ARHGEF3: variants seen among roughly 807,000 people sequenced by gnomAD.
ARHGEF3 encodes Rho guanine nucleotide exchange factor 3.
Under a neutral mutation model 63.2 loss-of-function variants are expected in ARHGEF3, and 28 were observed. The ratio of observed to expected loss-of-function variants is 0.44; its 90% CI spans 0.33 to 0.61. ARHGEF3 has a LOEUF of 0.61. Among genes scored for constraint, ARHGEF3 ranks in the 20% least tolerant of loss-of-function variants. ARHGEF3 has a pLI of 0.03. For synonymous variants in ARHGEF3, 266 were observed against 254.2 expected, an observed-to-expected ratio of 1.05 and a Z score of -0.44; for missense variants, 533 against 659.3, an observed-to-expected ratio of 0.81 and a Z score of 2.10.
upstream of ARHGEF3, among the ~76,000 whole-genome samples, chr3:56,806,341 A>C (rs948883483): frequency 6.0e-4 from 92 of 152,228 alleles, 1 homozygote; most frequent in Non-Finnish European, 2.9e-5. Flanking sequence ...AATGCCGCCA[A>C]GCTAAGTGGC....
chr3:56,766,543 G>A (rs1259776809), intron 2 of ARHGEF3, among the ~76,000 whole-genome samples: 1 of 152,190 alleles, frequency 6.6e-6, no homozygotes, highest in Non-Finnish European at 1.5e-5. Context: ...GATAATAATA[G>A]CAAGTACTAA....
intron 4 of ARHGEF3, among the ~76,000 whole-genome samples, chr3:56,857,673 C>T (rs1464460661): frequency 6.6e-6 from 1 of 152,182 alleles, no homozygotes; most frequent in Non-Finnish European, 1.5e-5. Flanking sequence ...GGCTATAACA[C>T]CAAAGAAGCG....
Position 57,014,085 on chromosome 3 carries a change from C to T in ARHGEF3, c.62+21003G>A, listed in dbSNP as rs1037998782. Among the ~76,000 whole-genome samples the T allele has an allele frequency of 3.3e-5, 5 of 152,282 alleles. 1 individual carries two copies. The South Asian group carries it at 1.0e-3, about 32-fold the overall frequency. On this transcript the variant is annotated intron_variant, in intron 2 of 12. Transcript: ENST00000338458. ...CTCTTAAAGCCAGCGAGACCACGAA[C>T]CCGCCAGGAGGAACGAACAACTCCA...
At chr3:56,759,612 ACC>A (rs1325179578) in intron 2 of ARHGEF3, among the ~76,000 whole-genome samples, 1 of 152,074 alleles carries the variant, frequency 6.6e-6, no homozygotes, top group Non-Finnish European at 1.5e-5. Context: ...TCTCACTGTA[ACC>A]TCAAACTCAT....
chr3:56,854,213 AC>A (rs2039787817), intron 4 of ARHGEF3, among the ~76,000 whole-genome samples: 1 of 152,078 alleles, frequency 6.6e-6, no homozygotes, highest in South Asian at 2.1e-4. Context: ...AAACAAAAAA[AC>A]AATTAGGCAC....
intron 3 of ARHGEF3, chr3:56,916,320 C>G: frequency 1.3e-6 from 2 of 1,535,524 alleles, no homozygotes; most frequent in Non-Finnish European, 1.7e-6. Flanking sequence ...TGCGAACGGA[C>G]AAAGAGGCAG....
chr3:57,000,978 T>C (rs778405106), intron 2 of ARHGEF3, among the ~76,000 whole-genome samples: 1 of 152,102 alleles, frequency 6.6e-6, no homozygotes, highest in Non-Finnish European at 1.5e-5. Context: ...CTTGCTTTGT[T>C]GCCCAGGCTA....
At chr3:56,810,890 T>C (rs1300646776) in intron 4 of ARHGEF3, among the ~76,000 whole-genome samples, 1 of 152,148 alleles carries the variant, frequency 6.6e-6, no homozygotes, top group East Asian at 1.9e-4. Flanking sequence ...ATACATAGTG[T>C]TATGAATCAG....
intron 3 of ARHGEF3, among the ~76,000 whole-genome samples, chr3:56,957,330 G>A (rs1700087304): frequency 6.6e-6 from 1 of 152,208 alleles, no homozygotes; most frequent in Non-Finnish European, 1.5e-5. Flanking sequence ...ATTTTAAAGT[G>A]TGAATAGAAC....
rs571640031 is a variant in ARHGEF3 at position 57,004,258 on chromosome 3, G to A, written c.62+30830C>T. ...AAACCCAGGGAGATAATGACAGTCT[G>A]GAGCCACTTATTTGCAGATGTTTCA... On this transcript the variant is annotated intron_variant, in intron 2 of 12. Coordinates refer to the ARHGEF3 transcript ENST00000338458. 2.0e-5 allele frequency among the ~76,000 whole-genome samples: 3 copies of A among 152,324 alleles called. No individual in the cohort carries two copies. In the South Asian group the frequency reaches 6.2e-4, roughly 32 times the overall value.
intron 3 of ARHGEF3, among the ~76,000 whole-genome samples, chr3:56,927,924 T>C (rs1303782289): frequency 6.6e-6 from 1 of 152,242 alleles, no homozygotes; most frequent in Non-Finnish European, 1.5e-5. Context: ...AAAATGATTA[T>C]GATGTCTATT....
intron 2 of ARHGEF3, among the ~76,000 whole-genome samples, chr3:56,763,644 A>T (rs1210076109): frequency 1.3e-5 from 2 of 152,210 alleles, no homozygotes; most frequent in African/African-American, 2.4e-5. Context: ...TTGAAATACA[A>T]CAAAATGTTA....
intron 3 of ARHGEF3, among the ~76,000 whole-genome samples, chr3:56,933,555 G>A (rs1283879030): frequency 6.6e-6 from 1 of 151,934 alleles, no homozygotes; most frequent in African/African-American, 2.4e-5. Context: ...GAGTAGCTGG[G>A]ACCACAGGCG....
chr3:56,994,071 A>AAAAAAAAAAC, intron 2 of ARHGEF3, among the ~76,000 whole-genome samples: 1 of 97,036 alleles, frequency 1.0e-5, no homozygotes, highest in African/African-American at 3.3e-5. Context: ...TCTCAAAAAA[A>AAAAAAAAAAC]AAAAAAAAAA....
chr3:57,014,419 G>A (rs534789712), intron 2 of ARHGEF3, among the ~76,000 whole-genome samples: 29 of 152,066 alleles, frequency 1.9e-4, no homozygotes, highest in Admixed American at 1.8e-3. Flanking sequence ...ATCACAACCT[G>A]GACTCCCATA....
At chr3:56,918,859 CTG>C (rs1177841687) in intron 3 of ARHGEF3, among the ~76,000 whole-genome samples, 1 of 152,192 alleles carries the variant, frequency 6.6e-6, no homozygotes, top group Non-Finnish European at 1.5e-5. Context: ...CATAGCATCA[CTG>C]TCACACATTC....
chr3:56,957,494 A>G (rs1053146218), intron 3 of ARHGEF3, among the ~76,000 whole-genome samples: 11 of 152,246 alleles, frequency 7.2e-5, no homozygotes, highest in Admixed American at 7.2e-4. Context: ...TTAATTAAGC[A>G]TACATGTGCT....
At chr3:56,981,145 A>G (rs1329286395) in intron 2 of ARHGEF3, among the ~76,000 whole-genome samples, 2 of 152,206 alleles carry the variant, frequency 1.3e-5, no homozygotes, top group Non-Finnish European at 2.9e-5. Flanking sequence ...TGTCAAGATA[A>G]GATATAACCA....
At chr3:56,928,448 C>T (rs911023526) in intron 3 of ARHGEF3, among the ~76,000 whole-genome samples, 2 of 152,272 alleles carry the variant, frequency 1.3e-5, no homozygotes, top group Admixed American at 6.5e-5. Flanking sequence ...CTTAATGTCC[C>T]TTAGGTGCTC....
Sources: allele counts gnomAD v4.1 joint callset (sites outside exome capture counted in the v4.1 genomes callset), GRCh38; gene constraint gnomAD v4.1.1; transcripts MANE v1.5; gene names NCBI Gene and HGNC (gene_info 2026-07-23, HGNC 2026-07-21).